Variants in PARP16 observed in about 807,000 individuals in gnomAD.
PARP16 encodes poly(ADP-ribose) polymerase family member 16, also known as protein mono-ADP-ribosyltransferase PARP16.
Under a neutral mutation model 35.0 loss-of-function variants are expected in PARP16, and 31 were observed. That is an observed-to-expected ratio of 0.88 (90% CI 0.66 to 1.19). The LOEUF is 1.19. Among genes scored for constraint, PARP16 ranks in the 50% most tolerant of loss-of-function variants. PARP16 has a pLI of 0.00. For synonymous variants in PARP16, 162 were observed against 169.5 expected, an observed-to-expected ratio of 0.96 and a Z score of 0.34; for missense variants, 424 against 411.2, an observed-to-expected ratio of 1.03 and a Z score of -0.27.
intron 3 of PARP16, among the ~76,000 whole-genome samples, chr15:65,244,401 A>G (rs1349538592): frequency 1.3e-5 from 2 of 152,200 alleles, no homozygotes; most frequent in African/African-American, 4.8e-5. Flanking sequence ...CCTCACAATC[A>G]TGGCGGAAGA....
intron 2 of PARP16, among the ~76,000 whole-genome samples, chr15:65,267,986 C>T (rs951216883): frequency 3.9e-5 from 6 of 151,980 alleles, no homozygotes; most frequent in Non-Finnish European, 7.4e-5. Context: ...CCACCACGCC[C>T]GGCCACTTCC....
chr15:65,271,190 A>ACGT, intron 1 of PARP16, 118 bp from the exon 2 acceptor site: 1 of 920,794 alleles, frequency 1.1e-6, no homozygotes, highest in Non-Finnish European at 1.7e-6. Flanking sequence ...ATCTCCTGAG[A>ACGT]GGAAATTCAC....
rs58938798 is a variant in PARP16 at position 65,269,176 on chromosome 15, T to TTTTCTTTCTTTCTTTCTTTCTTTCTTTC, written c.312+1731_312+1758dup. ...ACACCTGGCCCATTTTAGTCGGTTT[T>TTTTCTTTCTTTCTTTCTTTCTTTCTTTC]TTTCTTTCTTTCTTTCTTTCTTTCT... On this transcript the variant is annotated intron_variant, in intron 2 of 5. Transcript: ENST00000649807. Among the ~76,000 whole-genome samples the TTTTCTTTCTTTCTTTCTTTCTTTCTTTC allele has an allele frequency of 4.2e-3, 612 of 146,142 alleles. 9 individuals are homozygous for TTTTCTTTCTTTCTTTCTTTCTTTCTTTC. The highest frequency in any genetic ancestry group is 0.014 in the East Asian group (67 of 4,712).
rs144426779 is a variant in PARP16, at chr15:65,263,204, C to T, written c.636G>A (p.Val212=). 1.5e-4 allele frequency: 244 copies of T among 1,614,172 alleles called. 1 individual carries two copies. In the African/African-American group the frequency reaches 3.0e-3, roughly 20 times the overall value. Residue 212 remains valine (V), a synonymous_variant, in exon 4 of 6, where the codon GTG becomes GTA. Coordinates refer to ENST00000649807, the MANE Select transcript of PARP16 (RefSeq NM_001316943.2). The stretch of plus-strand genomic sequence containing the variant: ...GATGGTCAATGACCTCACACACGGC[C>T]ACACAGCTAAGGATGGGGCCGAGGA... ...HSLLGPILSC[V]AVCEVIDHPD... is the part of the protein sequence containing the mutation.
chr15:65,239,021 C>A (rs1041862597), intron 3 of PARP16, among the ~76,000 whole-genome samples: 2 of 152,098 alleles, frequency 1.3e-5, no homozygotes, highest in Non-Finnish European at 2.9e-5. Context: ...GTCCCAGCTA[C>A]TTGGGAGGCT....
intron 4 of PARP16, among the ~76,000 whole-genome samples, chr15:65,261,983 A>T (rs1176095998): frequency 6.6e-6 from 1 of 152,200 alleles, no homozygotes; most frequent in African/African-American, 2.4e-5. Context: ...CTTCCTAAGA[A>T]TTATAAATGC....
At chr15:65,253,222 A>G (rs2089407425), downstream of PARP16, among the ~76,000 whole-genome samples, 1 of 152,122 alleles carries the variant, frequency 6.6e-6, no homozygotes, top group South Asian at 2.1e-4. Context: ...TTCTGGTGAC[A>G]TCGCAAATGG....
chr15:65,259,320 C>A lies in PARP16; in HGVS notation c.*87G>T, dbSNP rs2089621168. On this transcript the variant is annotated 3_prime_UTR_variant, in exon 6 of 6. Coordinates refer to ENST00000649807, the MANE Select transcript of PARP16 (RefSeq NM_001316943.2). Reference sequence around the variant, plus strand: ...TCCCCCAACTGGCCCCTAGGCTCAACCTGGCTGGACATGAGGCATAGGAGG... The same window carrying A: ...TCCCCCAACTGGCCCCTAGGCTCAAACTGGCTGGACATGAGGCATAGGAGG... 3 of 1,412,842 alleles carry A rather than the reference C, an allele frequency of 2.1e-6. No individual in the cohort carries two copies. Among genetic ancestry groups the A allele is most frequent in the East Asian group, 4.6e-5 (2 of 43,728 alleles). 87.5% of individuals were successfully genotyped at this position (1,412,842 alleles called of 1,614,324 possible).
At chr15:65,267,250 A>G (rs2089927045) in intron 2 of PARP16, among the ~76,000 whole-genome samples, 1 of 151,774 alleles carries the variant, frequency 6.6e-6, no homozygotes, top group African/African-American at 2.4e-5. Flanking sequence ...TAAAAAAATA[A>G]TAATAATAAA....
intron 2 of PARP16, among the ~76,000 whole-genome samples, chr15:65,268,545 G>A (rs970964790): frequency 3.2e-4 from 48 of 152,218 alleles, no homozygotes; most frequent in African/African-American, 1.1e-3. Context: ...TCCTGGGTTC[G>A]AGCAATCCTC....
chr15:65,244,440 T>C (rs2089156689), intron 3 of PARP16, among the ~76,000 whole-genome samples: 1 of 152,148 alleles, frequency 6.6e-6, no homozygotes, highest in Non-Finnish European at 1.5e-5. Context: ...ACATCTTACA[T>C]GGCAGCAGGC....
intron 1 of PARP16, among the ~76,000 whole-genome samples, chr15:65,284,811 CTTTTTTTTT>C (rs35683940): frequency 5.5e-5 from 4 of 72,244 alleles, no homozygotes; most frequent in African/African-American, 1.9e-4. Context: ...AATCCAACGT[CTTTTTTTTT>C]TTTTTTTTTT....
chr15:65,252,990 C>A (rs1287254695), intron 2 of PARP16, among the ~76,000 whole-genome samples: 1 of 151,976 alleles, frequency 6.6e-6, no homozygotes, highest in East Asian at 1.9e-4. Flanking sequence ...ATTAGCTGGA[C>A]ATGGTGGCAC....
At chr15:65,268,233 G>A (rs2089971523) in intron 2 of PARP16, among the ~76,000 whole-genome samples, 1 of 152,132 alleles carries the variant, frequency 6.6e-6, no homozygotes, top group African/African-American at 2.4e-5. Context: ...AGAGACTTGA[G>A]AAGGGCTTGT....
downstream of PARP16, among the ~76,000 whole-genome samples, chr15:65,256,522 C>T (rs1224226606): frequency 6.6e-6 from 1 of 151,436 alleles, no homozygotes; most frequent in Non-Finnish European, 1.5e-5. Context: ...ATTCTCCTGC[C>T]TGAGCCTCCC....
At chr15:65,231,912 T>C (rs950456857), downstream of PARP16, among the ~76,000 whole-genome samples, 3 of 152,182 alleles carry the variant, frequency 2.0e-5, no homozygotes, top group African/African-American at 4.8e-5. Context: ...ATACAGTTTT[T>C]GTTTGTATCA....
At chr15:65,256,568 C>T (rs1018866457), downstream of PARP16, among the ~76,000 whole-genome samples, 3 of 151,932 alleles carry the variant, frequency 2.0e-5, no homozygotes, top group East Asian at 1.9e-4. Context: ...CAACCACGCC[C>T]GGCTAATTTT....
At position 65,265,159 on chromosome 15, in the gene PARP16, T is replaced by C. The variant is rs188012476; in HGVS notation, c.519+1403A>G. 2.0e-3 allele frequency among the ~76,000 whole-genome samples: 298 copies of C among 152,336 alleles called. 1 individual carries two copies. Among genetic ancestry groups the C allele is most frequent in the African/African-American group, 6.8e-3 (283 of 41,578 alleles). ...GCTGCAGCAGCCACAACTGAGCCCA[T>C]GGCTCATGGAGCCAGCTCCTCACAG... On this transcript the variant is annotated intron_variant, in intron 3 of 5. Coordinates refer to ENST00000649807, the MANE Select transcript of PARP16 (RefSeq NM_001316943.2).
chr15:65,249,619 G>T (rs952475576), intron 2 of PARP16, among the ~76,000 whole-genome samples: 24 of 152,250 alleles, frequency 1.6e-4, no homozygotes, highest in African/African-American at 5.8e-4. Context: ...GCTGAGCCCA[G>T]CTGGCCAGAA....
Sources: allele counts gnomAD v4.1 joint callset (sites outside exome capture counted in the v4.1 genomes callset), GRCh38; gene constraint gnomAD v4.1.1; transcripts MANE v1.5; gene names NCBI Gene and HGNC (gene_info 2026-07-23, HGNC 2026-07-21).